Variants in MRPL35 observed in about 807,000 individuals in gnomAD.
MRPL35 encodes the protein mitochondrial ribosomal protein L35, also known as large ribosomal subunit protein bL35m.
In MRPL35, 18 loss-of-function variants were observed where a neutral mutation model predicts 21.6. The ratio of observed to expected loss-of-function variants is 0.83; its 90% CI spans 0.58 to 1.24. MRPL35 has a LOEUF of 1.24. Ranked by LOEUF, MRPL35 falls within the 50% of genes most tolerant of loss-of-function variation. The pLI, the probability that MRPL35 is intolerant of heterozygous loss-of-function variation, is 0.00. For synonymous variants in MRPL35, 87 were observed against 86.9 expected (o/e 1.00, Z -0.01); for missense variants, 223 against 223.2 (o/e 1.00, Z 0.01).
intron 1 of MRPL35, 91 bp downstream of exon 1, chr2:86,199,624 G>A: frequency 8.1e-6 from 12 of 1,472,892 alleles, no homozygotes; most frequent in Admixed American, 5.6e-5. Context: ...AGGTTAACAA[G>A]CAAAAAGGGT....
In MRPL35 at chr2:86,213,788, T is replaced by G; in HGVS notation, c.*3120T>G. 1 of 1,147,038 alleles carries G rather than the reference T, an allele frequency of 8.7e-7. No individual in the cohort carries two copies. The highest frequency in any genetic ancestry group is 1.6e-5 in the African/African-American group (1 of 63,796). 71.1% of individuals were successfully genotyped at this position (1,147,038 alleles called of 1,614,324 possible). A position where few individuals can be genotyped will look rare whatever the true frequency, so the allele number is the denominator to read the frequency against. On this transcript the variant is annotated 3_prime_UTR_variant, in exon 4 of 4. Transcript: ENST00000337109. ...AAATGTGAAATAAACAGTGATACTT[T>G]CAGGTTTGTAGTTGTGTGATGAACT...
rs569515285 is a variant in MRPL35 at position 86,202,239 on chromosome 2, A to G, written c.43+2706A>G. Among the ~76,000 whole-genome samples the G allele has an allele frequency of 1.5e-4, 23 of 152,094 alleles. No homozygotes were observed. The East Asian group carries it at 1.5e-3, about 10-fold the overall frequency. ...CCCAGTTCCTGTTGTTCCCGTAACC[A>G]TTTTTTCTAACTTCAGTGTATTTAT... On this transcript the variant is annotated intron_variant, in intron 1 of 3. Transcript: ENST00000337109.
chr2:86,213,560 G>C lies in MRPL35; in HGVS notation c.*2892G>C. On this transcript the variant is annotated 3_prime_UTR_variant, in exon 4 of 4. Transcript: ENST00000337109. ...AATGAAGTTTGAGTCTGCCTGTTCA[G>C]ATGTGAAAGGTAAGGGCTGCAGCAG... 1 of 1,529,682 alleles carries C rather than the reference G, an allele frequency of 6.5e-7. No homozygotes were observed. Among genetic ancestry groups the C allele is most frequent in the Non-Finnish European group, 8.8e-7 (1 of 1,134,806 alleles). The allele number at this position is 1,529,682 out of a possible 1,614,324, so 94.8% of individuals were successfully genotyped here.
At chr2:86,203,374 C>T (rs13035593) in intron 1 of MRPL35, among the ~76,000 whole-genome samples, 55,116 of 152,054 alleles carry the variant, frequency 0.36, 12,419 homozygotes, top group Non-Finnish European at 0.51. Flanking sequence ...CGTGAGCCAC[C>T]GCACCCGGCC....
intron 2 of MRPL35, 124 bp downstream of exon 2, chr2:86,206,419 A>C (rs1573971393): frequency 2.3e-6 from 2 of 882,754 alleles, no homozygotes; most frequent in Non-Finnish European, 1.7e-6. Flanking sequence ...TGCAACCTCC[A>C]CCTCCGGGGT....
chr2:86,204,052 T>G (rs1673740715), intron 1 of MRPL35, among the ~76,000 whole-genome samples: 1 of 151,974 alleles, frequency 6.6e-6, no homozygotes, highest in African/African-American at 2.4e-5. Flanking sequence ...TGTTGCAGTC[T>G]CGGCTCACTG....
chr2:86,205,999 G>A, intron 1 of MRPL35, 107 bp from the exon 2 acceptor site: 3 of 956,388 alleles, frequency 3.1e-6, no homozygotes, highest in Non-Finnish European at 3.2e-6. Flanking sequence ...TGATGCTCAG[G>A]GCACGTTAAT....
chr2:86,201,566 G>A (rs953518331), intron 1 of MRPL35, among the ~76,000 whole-genome samples: 7 of 152,098 alleles, frequency 4.6e-5, no homozygotes, highest in Admixed American at 3.9e-4. Context: ...AATAGATGAT[G>A]TAGGTAGTTA....
Position 86,213,682 on chromosome 2 carries a change from A to G in MRPL35, c.*3014A>G. ...TTCAGAGAAGAAAAATGATGGACCAAACGTCTGTTTGCACAATTGAAACTC... is the reference window on the plus strand; with the variant it reads ...TTCAGAGAAGAAAAATGATGGACCAGACGTCTGTTTGCACAATTGAAACTC... On this transcript the variant is annotated 3_prime_UTR_variant, in exon 4 of 4. Transcript: ENST00000337109. The G allele has an allele frequency of 6.5e-7, 1 of 1,549,898 alleles. No individual in the cohort carries two copies. The highest frequency in any genetic ancestry group is 8.7e-7 in the Non-Finnish European group (1 of 1,146,424).
rs1673906902 is a variant in MRPL35 at position 86,211,799 on chromosome 2, G to A, written c.*1131G>A. 1 of 985,208 alleles carries A rather than the reference G, an allele frequency of 1.0e-6. No individual in the cohort carries two copies. Among genetic ancestry groups the A allele is most frequent in the East Asian group, 1.1e-4 (1 of 8,838 alleles). The allele number at this position is 985,208 out of a possible 1,614,324, so 61.0% of individuals were successfully genotyped here. A position where few individuals can be genotyped will look rare whatever the true frequency, so the allele number is the denominator to read the frequency against. ...CCTCCTGCCTCAGCTTACTGAGTAA[G>A]GATATGTATTTCTTAAAAGTTAGTT... On this transcript the variant is annotated 3_prime_UTR_variant, in exon 4 of 4. Transcript: ENST00000337109.
At chr2:86,200,458 A>C (rs1333924129) in intron 1 of MRPL35, among the ~76,000 whole-genome samples, 1 of 152,108 alleles carries the variant, frequency 6.6e-6, no homozygotes, top group Admixed American at 6.5e-5. Context: ...CTTCCCCCCC[A>C]GATATAAACA....
Position 86,206,159 on chromosome 2 carries a change from A to G in MRPL35, c.97A>G (p.Lys33Glu). The part of the protein sequence containing the change: ...LASSTYRNCV[K>E]NASLISALST... The stretch of plus-strand genomic sequence containing the variant: ...ATCTTCAACCTACCGCAACTGTGTC[A>G]AGAATGCCTCTCTTATTTCTGCATT... The change falls in exon 2 of 4, where the codon AAG becomes GAG. Residue 33 changes from lysine (K) to glutamate (E), a missense_variant. Coordinates refer to ENST00000337109, the MANE Select transcript of MRPL35 (RefSeq NM_016622.4). 1 of 1,614,062 alleles carries G rather than the reference A, an allele frequency of 6.2e-7. No homozygotes were observed. The highest frequency in any genetic ancestry group is 8.5e-7 in the Non-Finnish European group (1 of 1,179,920).
chr2:86,199,581 A>G lies in MRPL35; in HGVS notation c.43+48A>G, dbSNP rs367878593. The G allele has an allele frequency of 4.8e-5, 77 of 1,610,060 alleles. No individual in the cohort carries two copies. The African/African-American group carries it at 9.5e-4, about 20-fold the overall frequency. On this transcript the variant is annotated intron_variant, in intron 1 of 3. Transcript: ENST00000337109. Reference sequence around the variant, plus strand: ...CATGCATGCCTTCACAGAAGGGGAAACTGGTGCGGGATGGAATGGGCGTTT... The same window carrying G: ...CATGCATGCCTTCACAGAAGGGGAAGCTGGTGCGGGATGGAATGGGCGTTT...
upstream of MRPL35, chr2:86,199,454 T>C (rs747980778): frequency 1.9e-6 from 3 of 1,613,830 alleles, no homozygotes. Flanking sequence ...CTCTTGTGCT[T>C]TTAAACCCAA....
intron 1 of MRPL35, among the ~76,000 whole-genome samples, chr2:86,204,498 C>T (rs6547665): frequency 0.41 from 61,349 of 148,836 alleles, 13,700 homozygotes; most frequent in Non-Finnish European, 0.51. Context: ...CATCATCCTG[C>T]GGAACTTTTT....
intron 1 of MRPL35, among the ~76,000 whole-genome samples, chr2:86,201,962 TAC>T (rs1462975855): frequency 1.3e-5 from 2 of 152,242 alleles, no homozygotes; most frequent in Non-Finnish European, 2.9e-5. Flanking sequence ...GGTTTTGCGT[TAC>T]CTCTTTTGTG....
intron 1 of MRPL35, among the ~76,000 whole-genome samples, chr2:86,202,812 C>G (rs1203304891): frequency 1.3e-5 from 2 of 152,066 alleles, no homozygotes; most frequent in Non-Finnish European, 2.9e-5. Context: ...CTACCTCAGC[C>G]TCCGAGTAGC....
intron 1 of MRPL35, among the ~76,000 whole-genome samples, chr2:86,200,425 C>G (rs900786863): frequency 4.6e-5 from 7 of 152,190 alleles, no homozygotes; most frequent in African/African-American, 1.7e-4. Flanking sequence ...AGCCTCCTCT[C>G]CCCTATGTAT....
chr2:86,208,075 A>G (rs779579230), intron 3 of MRPL35, among the ~76,000 whole-genome samples: 1 of 152,228 alleles, frequency 6.6e-6, no homozygotes, highest in Non-Finnish European at 1.5e-5. Flanking sequence ...TTGATGTTTG[A>G]AAGGTTGAAA....
Sources: allele counts gnomAD v4.1 joint callset (sites outside exome capture counted in the v4.1 genomes callset), GRCh38; gene constraint gnomAD v4.1.1; transcripts MANE v1.5; gene names NCBI Gene and HGNC (gene_info 2026-07-23, HGNC 2026-07-21).